The following ZNF423 variants were observed in gnomAD, a reference collection of about 807,000 sequenced individuals.
The protein encoded by ZNF423 is zinc finger protein 423, also known as Ebf-associated zinc finger protein.
Under a neutral mutation model 95.8 loss-of-function variants are expected in ZNF423, and 12 were observed. The observed-to-expected ratio is 0.13, with a 90% CI of 0.08 to 0.20. The LOEUF is 0.20. ZNF423 is among the 10% of genes least tolerant of loss of function. The probability of loss-of-function intolerance (pLI) is 1.00; values close to 1 mark genes in which losing one functional copy is unlikely to be tolerated. For missense variants in ZNF423, 1,316 were observed against 1,737.1 expected (o/e 0.76, Z 4.31); for synonymous variants, 749 against 711.9 (o/e 1.05, Z -0.83).
At chr16:49,624,478 G>A (rs1375679451) in intron 5 of ZNF423, among the ~76,000 whole-genome samples, 1 of 152,168 alleles carries the variant, frequency 6.6e-6, no homozygotes, top group Non-Finnish European at 1.5e-5. Context: ...ACTTGAACCT[G>A]CGAGGCGGAG....
intron 3 of ZNF423, among the ~76,000 whole-genome samples, chr16:49,726,485 T>A (rs1226155133): frequency 6.6e-6 from 1 of 152,144 alleles, no homozygotes; most frequent in Non-Finnish European, 1.5e-5. Flanking sequence ...AAGATGATGA[T>A]AAACACCCCC....
intron 3 of ZNF423, chr16:49,664,176 G>A: frequency 1.0e-6 from 1 of 985,554 alleles, no homozygotes; most frequent in Non-Finnish European, 1.2e-6. Flanking sequence ...CCAGCACCCG[G>A]CGGCAGGGCA....
At chr16:49,639,072 C>T (rs545811553) in intron 3 of ZNF423, among the ~76,000 whole-genome samples, 198 bp from the exon 4 acceptor site, 3 of 152,310 alleles carry the variant, frequency 2.0e-5, no homozygotes, top group Admixed American at 6.5e-5. Context: ...GCCAGAGGGG[C>T]GGCAGATAAT....
chr16:49,490,963 A>G lies in ZNF423; in HGVS notation c.*312T>C, dbSNP rs1335465712. 3 of 363,338 alleles carry G rather than the reference A, an allele frequency of 8.3e-6. No individual in the cohort carries two copies. The highest frequency in any genetic ancestry group is 2.0e-5 in the African/African-American group (1 of 50,026). 22.5% of individuals were successfully genotyped at this position (363,338 alleles called of 1,614,324 possible). On this transcript the variant is annotated 3_prime_UTR_variant, in exon 8 of 8. Coordinates refer to ENST00000563137, the MANE Select transcript of ZNF423 (RefSeq NM_001379286.1). The stretch of plus-strand genomic sequence containing the variant: ...CTTTTTTAAAAACTATCAATATAAT[A>G]CATGAAGGAACAAAGGACAATAGCC...
chr16:49,507,928 C>T (rs540805527), intron 7 of ZNF423, among the ~76,000 whole-genome samples: 1 of 152,314 alleles, frequency 6.6e-6, no homozygotes, highest in South Asian at 2.1e-4. Context: ...AAAGGGGTCA[C>T]ACAGAAATGT....
At chr16:49,794,988 C>T (rs752678262) in intron 1 of ZNF423, among the ~76,000 whole-genome samples, 23 of 152,210 alleles carry the variant, frequency 1.5e-4, no homozygotes, top group Admixed American at 4.6e-4. Flanking sequence ...TCTCCTGCCT[C>T]AGCCTCCCGA....
At chr16:49,585,068 G>A (rs760043611) in intron 5 of ZNF423, among the ~76,000 whole-genome samples, 8 of 152,224 alleles carry the variant, frequency 5.3e-5, no homozygotes, top group African/African-American at 1.9e-4. Flanking sequence ...TGAACTTTCA[G>A]GGGCAATGAC....
At chr16:49,642,530 T>A (rs970474250) in intron 3 of ZNF423, among the ~76,000 whole-genome samples, 1 of 152,240 alleles carries the variant, frequency 6.6e-6, no homozygotes, top group Non-Finnish European at 1.5e-5. Flanking sequence ...ATCATCTGAA[T>A]TGAAATGAAA....
intron 2 of ZNF423, among the ~76,000 whole-genome samples, chr16:49,748,595 G>A (rs2033570980): frequency 6.6e-6 from 1 of 152,226 alleles, no homozygotes; most frequent in African/African-American, 2.4e-5. Context: ...AAAGTAGCTG[G>A]TTGCTAAGAA....
At chr16:49,510,360 G>T (rs1201558787) in intron 7 of ZNF423, among the ~76,000 whole-genome samples, 1 of 152,120 alleles carries the variant, frequency 6.6e-6, no homozygotes, top group South Asian at 2.1e-4. Context: ...CTCATTTCTG[G>T]GGGGTGGACG....
intron 2 of ZNF423, among the ~76,000 whole-genome samples, chr16:49,789,234 C>A (rs553972925): frequency 1.6e-4 from 25 of 152,268 alleles, no homozygotes; most frequent in African/African-American, 5.8e-4. Flanking sequence ...AAAATCACTG[C>A]CCATCTGAAC....
At chr16:49,611,555 A>G (rs567492597) in intron 5 of ZNF423, among the ~76,000 whole-genome samples, 1 of 152,182 alleles carries the variant, frequency 6.6e-6, no homozygotes, top group Admixed American at 6.5e-5. Context: ...AAAGTCTCAA[A>G]TCATTAATTA....
At chr16:49,825,932 C>T (rs1398731553) in intron 1 of ZNF423, among the ~76,000 whole-genome samples, 1 of 152,194 alleles carries the variant, frequency 6.6e-6, no homozygotes, top group Non-Finnish European at 1.5e-5. Flanking sequence ...AAGGGCTGGC[C>T]AGGTGTGGTG....
intron 2 of ZNF423, among the ~76,000 whole-genome samples, chr16:49,733,424 C>A (rs2033215394): frequency 6.6e-6 from 1 of 152,182 alleles, no homozygotes; most frequent in Non-Finnish European, 1.5e-5. Flanking sequence ...CTCATCTAAT[C>A]CACAACTGGA....
At chr16:49,793,458 G>A (rs16947995) in intron 1 of ZNF423, among the ~76,000 whole-genome samples, 3,047 of 152,332 alleles carry the variant, frequency 0.02, 110 homozygotes, top group African/African-American at 0.07. Flanking sequence ...TGGCCGGCCC[G>A]CGGCGCCTCC....
At position 49,731,014 on chromosome 16, in the gene ZNF423, T is replaced by C. The variant is rs1051974085; in HGVS notation, c.101-43A>G. Reference sequence around the variant, plus strand: ...ACAGTCCATGTCAGCTGATGGGGTCTTGGGAAAGGGTTTTAAAAGAATCGC... The same window carrying C: ...ACAGTCCATGTCAGCTGATGGGGTCCTGGGAAAGGGTTTTAAAAGAATCGC... On this transcript the variant is annotated intron_variant, in intron 2 of 7. Coordinates refer to ENST00000563137, the MANE Select transcript of ZNF423 (RefSeq NM_001379286.1). The C allele has an allele frequency of 1.9e-6, 3 of 1,601,696 alleles. No individual in the cohort carries two copies. In the African/African-American group the frequency reaches 4.0e-5, roughly 21 times the overall value.
At chr16:49,628,562 CATCT>C (rs1020328929) in intron 4 of ZNF423, among the ~76,000 whole-genome samples, 24 of 151,734 alleles carry the variant, frequency 1.6e-4, no homozygotes, top group African/African-American at 3.6e-4. Flanking sequence ...TCCATCCATC[CATCT>C]ATCTATCTAT....
intron 3 of ZNF423, among the ~76,000 whole-genome samples, chr16:49,730,101 C>G (rs2033125330): frequency 6.6e-6 from 1 of 152,118 alleles, no homozygotes; most frequent in African/African-American, 2.4e-5. Context: ...ATGCACATGC[C>G]CTCTGACTCC....
intron 5 of ZNF423, among the ~76,000 whole-genome samples, chr16:49,535,060 C>T (rs1001684790): frequency 2.6e-5 from 4 of 152,190 alleles, no homozygotes; most frequent in Non-Finnish European, 4.4e-5. Flanking sequence ...GAGTCAGGGG[C>T]GTGATCAGCT....
Sources: allele counts gnomAD v4.1 joint callset (sites outside exome capture counted in the v4.1 genomes callset), GRCh38; gene constraint gnomAD v4.1.1; transcripts MANE v1.5; gene names NCBI Gene and HGNC (gene_info 2026-07-23, HGNC 2026-07-21).